Variants in STS observed in about 807,000 individuals in gnomAD.
STS encodes steroid sulfatase, also known as steryl-sulfatase.
STS carries 7 observed loss-of-function variants against 26.8 expected under a neutral mutation model. The observed-to-expected ratio is 0.26, with a 90% confidence interval of 0.15 to 0.49. The LOEUF (loss-of-function observed/expected upper bound fraction) is 0.49, where lower values mean the gene tolerates loss of function less well. STS is among the 20% of genes least tolerant of loss of function. The pLI is 0.98. For missense variants in STS, 434 were observed against 465.6 expected (o/e 0.93, Z 0.63); for synonymous variants, 199 against 189.4 (o/e 1.05, Z -0.42).
intron 3 of STS, among the ~76,000 whole-genome samples, chrX:7,255,833 T>C (rs183473161): frequency 8.9e-6 from 1 of 112,422 alleles, no homozygotes; most frequent in East Asian, 2.8e-4. Context: ...TAGTTTGACA[T>C]TACAGATGCA....
chrX:7,205,894 G>C (rs1249005492), intron 2 of STS, among the ~76,000 whole-genome samples: 1 of 109,564 alleles, frequency 9.1e-6, no homozygotes, highest in African/African-American at 3.3e-5. Flanking sequence ...GGGATTACAG[G>C]TGTGAGCCAC....
At chrX:7,205,020 G>C (rs1423905344) in intron 2 of STS, among the ~76,000 whole-genome samples, 1 of 112,001 alleles carries the variant, frequency 8.9e-6, no homozygotes, top group Non-Finnish European at 1.9e-5. Flanking sequence ...CCTAGGCCAG[G>C]TGCTTCTGTT....
chrX:7,152,015 C>G (rs1046111074), intron 1 of STS, among the ~76,000 whole-genome samples: 11 of 111,240 alleles, frequency 9.9e-5, no homozygotes, highest in African/African-American at 3.6e-4. Flanking sequence ...TACAGTGGCA[C>G]GATCTTGGCT....
chrX:7,312,226 G>T (rs1345632476), intron 8 of STS, among the ~76,000 whole-genome samples: 3 of 111,593 alleles, frequency 2.7e-5, no homozygotes, highest in African/African-American at 9.8e-5. Flanking sequence ...CTCATCTTTG[G>T]ATGGATTTTA....
intron 2 of STS, among the ~76,000 whole-genome samples, chrX:7,197,556 G>A (rs1220571116): frequency 8.9e-6 from 1 of 112,158 alleles, no homozygotes; most frequent in East Asian, 2.8e-4. Context: ...ATGGGGTGAT[G>A]TGCTCTGCTA....
chrX:7,152,228 A>T (rs1464610575), intron 1 of STS, among the ~76,000 whole-genome samples: 8 of 112,250 alleles, frequency 7.1e-5, no homozygotes, highest in African/African-American at 9.7e-5. Context: ...CTGGGATTAC[A>T]GGCGTGAGCC....
At chrX:7,167,247 G>T (rs1933370243) in intron 1 of STS, among the ~76,000 whole-genome samples, 1 of 110,817 alleles carries the variant, frequency 9.0e-6, no homozygotes, top group Admixed American at 9.6e-5. Flanking sequence ...ACAGAGTCTT[G>T]CTCTGTCGCC....
At chrX:7,342,622 G>A (rs1235595069) in intron 10 of STS, among the ~76,000 whole-genome samples, 2 of 112,224 alleles carry the variant, frequency 1.8e-5, no homozygotes, top group African/African-American at 6.5e-5. Context: ...CTCTGGTACT[G>A]CCAGCTGCAG....
intron 7 of STS, among the ~76,000 whole-genome samples, chrX:7,282,546 G>A (rs1485853278): frequency 8.9e-6 from 1 of 111,907 alleles, no homozygotes; most frequent in African/African-American, 3.2e-5. Context: ...CTCTCATTTC[G>A]TATTTCCTAG....
chrX:7,257,354 G>T lies in STS; in HGVS notation c.250G>T (p.Val84Phe). 1 of 1,211,571 alleles carries T rather than the reference G, an allele frequency of 8.3e-7. No homozygotes were observed. Among genetic ancestry groups the T allele is most frequent in the East Asian group, 3.0e-5 (1 of 33,834 alleles). Residue 84 changes from valine to phenylalanine, a missense_variant, in exon 4 of 11, where the codon GTC becomes TTC. Coordinates refer to ENST00000674429, the MANE Select transcript of STS (RefSeq NM_001320752.2). ...RAAFMTGRYPVRSGMASWSRT... is the reference protein window; with the variant it reads ...RAAFMTGRYPFRSGMASWSRT... ...AGCCTTCATGACTGGCCGGTACCCT[G>T]TCCGATCAGGTAACCTCCTATCTGC...
chrX:7,222,133 T>C (rs1314809258), intron 2 of STS, among the ~76,000 whole-genome samples: 3 of 111,769 alleles, frequency 2.7e-5, no homozygotes, highest in Non-Finnish European at 5.6e-5. Context: ...ACTGGATCTC[T>C]TGGTGCCTTG....
At chrX:7,166,062 C>A (rs192362752) in intron 1 of STS, among the ~76,000 whole-genome samples, 1 of 104,403 alleles carries the variant, frequency 9.6e-6, no homozygotes, top group African/African-American at 3.5e-5. Context: ...GGCTGTAGTG[C>A]AGTGGCGTGA....
intron 1 of STS, among the ~76,000 whole-genome samples, chrX:7,185,561 T>TA (rs1413218547): frequency 8.9e-6 from 1 of 112,195 alleles, no homozygotes; most frequent in Non-Finnish European, 1.9e-5. Context: ...ATGGCAAACA[T>TA]AAAGTTAAAA....
At chrX:7,318,275 G>A (rs1206362217) in intron 8 of STS, among the ~76,000 whole-genome samples, 1 of 111,224 alleles carries the variant, frequency 9.0e-6, no homozygotes, top group Non-Finnish European at 1.9e-5. Context: ...TGTGAGTGGT[G>A]CCCGGGAGAG....
At chrX:7,305,630 G>C (rs1369988561) in intron 8 of STS, among the ~76,000 whole-genome samples, 1 of 111,852 alleles carries the variant, frequency 8.9e-6, no homozygotes, top group African/African-American at 3.2e-5. Context: ...CTCTTGGGGG[G>C]AATCTGTTTC....
intron 7 of STS, among the ~76,000 whole-genome samples, chrX:7,302,743 C>T (rs999137818): frequency 8.9e-6 from 1 of 111,966 alleles, no homozygotes; most frequent in African/African-American, 3.2e-5. Flanking sequence ...TTCCCCTTTT[C>T]GGGACCAAGT....
At chrX:7,204,013 G>A (rs887920609) in intron 2 of STS, among the ~76,000 whole-genome samples, 9 of 111,277 alleles carry the variant, frequency 8.1e-5, no homozygotes, top group African/African-American at 2.0e-4. Context: ...TCAAACTTCC[G>A]TCCTCAAGTG....
intron 7 of STS, among the ~76,000 whole-genome samples, chrX:7,277,070 G>A (rs1191267729): frequency 9.0e-6 from 1 of 111,175 alleles, no homozygotes; most frequent in Non-Finnish European, 1.9e-5. Flanking sequence ...CTTAGTGTGT[G>A]AGTTACGCAA....
At chrX:7,174,812 C>T (rs1601629587) in intron 1 of STS, among the ~76,000 whole-genome samples, 1 of 111,059 alleles carries the variant, frequency 9.0e-6, no homozygotes. Flanking sequence ...TCAGATCTGC[C>T]TCCCTAACTT....
Sources: allele counts gnomAD v4.1 joint callset (sites outside exome capture counted in the v4.1 genomes callset), GRCh38; gene constraint gnomAD v4.1.1; transcripts MANE v1.5; gene names NCBI Gene and HGNC (gene_info 2026-07-23, HGNC 2026-07-21).